Variants in NDRG2 observed in about 807,000 individuals in gnomAD.
NDRG2 encodes the protein protein NDRG2.
A neutral mutation model predicts 58.2 loss-of-function variants in NDRG2; 34 were observed. That is an observed-to-expected ratio of 0.58 (90% confidence interval 0.44 to 0.78). The LOEUF (loss-of-function observed/expected upper bound fraction) is 0.78, where lower values mean the gene tolerates loss of function less well. NDRG2 is among the 30% of genes least tolerant of loss of function. The pLI is 0.00. For missense variants in NDRG2, 434 were observed against 471.2 expected (o/e 0.92, Z 0.73); for synonymous variants, 187 against 175.9 (o/e 1.06, Z -0.50).
At chr14:21,046,455 A>G (rs1426305501) in intron 1 of NDRG2, among the ~76,000 whole-genome samples, 1 of 104,512 alleles carries the variant, frequency 9.6e-6, no homozygotes, top group Non-Finnish European at 2.2e-5. Context: ...CAGAAGGTTG[A>G]GGCTGCAGTG....
intron 1 of NDRG2, chr14:21,032,552 G>A (rs1398451981): frequency 1.2e-5 from 4 of 347,218 alleles, no homozygotes; most frequent in African/African-American, 8.7e-5. Context: ...TTTTTGGGTG[G>A]AGGAGTAGAA....
chr14:21,019,678 T>C lies in NDRG2; in HGVS notation c.677A>G (p.Asn226Ser). ...KYRNIITHAP[N>S]LDNIELYWNS... ...CCAGTACAATTCAATGTTATCCAGGTTGGGTGCATGTGTAATGATATTTCT... is the reference window on the plus strand; with the variant it reads ...CCAGTACAATTCAATGTTATCCAGGCTGGGTGCATGTGTAATGATATTTCT... Residue 226 changes from asparagine to serine, a missense_variant, in exon 10 of 16, where the codon AAC becomes AGC. By Grantham distance (46) the Asn-to-Ser change is conservative. Transcript: ENST00000556147. 1 of 1,613,888 alleles carries C rather than the reference T, an allele frequency of 6.2e-7. No homozygotes were observed. Among genetic ancestry groups the C allele is most frequent in the Non-Finnish European group, 8.5e-7 (1 of 1,179,762 alleles).
At chr14:21,058,008 A>C in intron 1 of NDRG2, 1 of 1,614,060 alleles carries the variant, frequency 6.2e-7, no homozygotes, top group Non-Finnish European at 8.5e-7. Flanking sequence ...CAGTGGTTTA[A>C]AACTCAGCAT....
At chr14:21,068,925 G>T (rs1215754561) in intron 1 of NDRG2, among the ~76,000 whole-genome samples, 2 of 152,228 alleles carry the variant, frequency 1.3e-5, no homozygotes, top group Admixed American at 1.3e-4. Context: ...TCACCTTGGC[G>T]GCACCCCCGC....
chr14:21,031,307 C>T, intron 1 of NDRG2: 5 of 1,150,844 alleles, frequency 4.3e-6, no homozygotes, highest in Non-Finnish European at 5.9e-6. Context: ...TTCCAGAAGT[C>T]AGGAAAATGT....
intron 10 of NDRG2, among the ~76,000 whole-genome samples, 165 bp from the exon 11 acceptor site, chr14:21,019,325 C>T (rs1878756017): frequency 6.6e-6 from 1 of 152,198 alleles, no homozygotes; most frequent in African/African-American, 2.4e-5. Flanking sequence ...GCCCCAAGCA[C>T]AGCCCCTATA....
intron 1 of NDRG2, chr14:21,034,084 G>C: frequency 6.2e-7 from 1 of 1,614,108 alleles, no homozygotes; most frequent in Non-Finnish European, 8.5e-7. Flanking sequence ...TGGATCTTTG[G>C]GCAATCTGAA....
At chr14:21,051,829 G>T (rs1885482679) in intron 1 of NDRG2, among the ~76,000 whole-genome samples, 1 of 152,196 alleles carries the variant, frequency 6.6e-6, no homozygotes, top group South Asian at 2.1e-4. Flanking sequence ...CCCTATGGGG[G>T]TGGCACTTGT....
At chr14:21,055,518 G>A (rs1023717618) in intron 1 of NDRG2, among the ~76,000 whole-genome samples, 1 of 152,202 alleles carries the variant, frequency 6.6e-6, no homozygotes, top group Non-Finnish European at 1.5e-5. Flanking sequence ...GAAAACTCAT[G>A]ATGAATGACT....
intron 1 of NDRG2, among the ~76,000 whole-genome samples, chr14:21,049,770 T>A (rs1885384053): frequency 6.6e-6 from 1 of 151,352 alleles, no homozygotes; most frequent in Non-Finnish European, 1.5e-5. Flanking sequence ...TTTCTTCTTT[T>A]TTTTTTTTTT....
chr14:21,031,746 A>G (rs1173064945), intron 1 of NDRG2: 2 of 826,490 alleles, frequency 2.4e-6, no homozygotes, highest in Non-Finnish European at 1.9e-6. Flanking sequence ...CCACAGCTGT[A>G]TCTGGGCCCT....
In NDRG2 at chr14:21,023,369, C is replaced by G. The variant is rs1472167511; in HGVS notation, c.-6-48G>C. 2.6e-6 allele frequency: 4 copies of G among 1,522,454 alleles called. No homozygotes were observed. In the African/African-American group the frequency reaches 5.5e-5, roughly 21 times the overall value. The allele number at this position is 1,522,454 out of a possible 1,614,324, so 94.3% of individuals were successfully genotyped here. ...CTGGGAAGTTGTCTCTACATCCCCA[C>G]ATCGCCTCAAACACCAGGCTTCCTC... On this transcript the variant is annotated intron_variant, in intron 1 of 15. Transcript: ENST00000556147.
chr14:21,030,346 G>C (rs910501349), upstream of NDRG2: 10 of 523,238 alleles, frequency 1.9e-5, no homozygotes, highest in Non-Finnish European at 1.7e-5. Flanking sequence ...CATTCAGTAG[G>C]TAGGATCCAC....
intron 1 of NDRG2, chr14:21,033,754 A>G (rs533305200): frequency 9.1e-7 from 1 of 1,095,300 alleles, no homozygotes; most frequent in South Asian, 1.2e-5. Flanking sequence ...TGTTACAGGG[A>G]TCAGAGTGTT....
Position 21,017,547 on chromosome 14 carries a change from C to T in NDRG2, c.*49G>A, listed in dbSNP as rs1231114942. 1.9e-6 allele frequency: 3 copies of T among 1,581,390 alleles called. No homozygotes were observed. In the African/African-American group the frequency reaches 4.0e-5, roughly 21 times the overall value. On this transcript the variant is annotated 3_prime_UTR_variant, in exon 16 of 16. Transcript: ENST00000556147. Reference sequence around the variant, plus strand: ...GCCCCTTCAGCACCTCCCAGGTTAGCTCTGGGGGAGGTGAGGGCTGGGTCC... The same window carrying T: ...GCCCCTTCAGCACCTCCCAGGTTAGTTCTGGGGGAGGTGAGGGCTGGGTCC...
chr14:21,017,062 C>G lies in NDRG2; in HGVS notation c.*534G>C. 2.2e-6 allele frequency: 1 copy of G among 453,650 alleles called. No homozygotes were observed. Among genetic ancestry groups the G allele is most frequent in the Non-Finnish European group, 4.4e-6 (1 of 224,992 alleles). The allele number at this position is 453,650 out of a possible 1,614,324, so 28.1% of individuals were successfully genotyped here. A position where few individuals can be genotyped will look rare whatever the true frequency, so the allele number is the denominator to read the frequency against. On this transcript the variant is annotated 3_prime_UTR_variant, in exon 16 of 16. Transcript: ENST00000556147. Reference sequence around the variant, plus strand: ...AACTCCCATTCCAACTTCCTTTTTACACTGGATGTTTCTATCACATCCTGA... The same window carrying G: ...AACTCCCATTCCAACTTCCTTTTTAGACTGGATGTTTCTATCACATCCTGA...
intron 2 of NDRG2, 116 bp downstream of exon 2, chr14:21,023,125 G>C: frequency 1.0e-6 from 1 of 957,330 alleles, no homozygotes; most frequent in South Asian, 1.5e-5. Context: ...GACTAGGGTA[G>C]TGGTGAAGCA....
upstream of NDRG2, chr14:21,028,901 G>A (rs1883876638): frequency 1.3e-5 from 2 of 152,210 alleles, no homozygotes; most frequent in Admixed American, 1.3e-4. Flanking sequence ...TATTAGATGG[G>A]AAAAGGAGGA....
intron 1 of NDRG2, among the ~76,000 whole-genome samples, chr14:21,061,864 C>T (rs916199228): frequency 5.9e-5 from 9 of 152,114 alleles, no homozygotes; most frequent in Admixed American, 2.6e-4. Context: ...TTGAATCATC[C>T]TATTTAGAAA....
Sources: allele counts gnomAD v4.1 joint callset (sites outside exome capture counted in the v4.1 genomes callset), GRCh38; gene constraint gnomAD v4.1.1; transcripts MANE v1.5; gene names NCBI Gene and HGNC (gene_info 2026-07-23, HGNC 2026-07-21).